SLC66A2: variants seen among roughly 807,000 people sequenced by gnomAD.
SLC66A2 encodes solute carrier family 66 member 2.
In SLC66A2, 23 loss-of-function variants were observed where a neutral mutation model predicts 25.5. The ratio of observed to expected loss-of-function variants is 0.90; its 90% CI spans 0.65 to 1.28. The LOEUF (loss-of-function observed/expected upper bound fraction) is 1.28, where lower values mean the gene tolerates loss of function less well. SLC66A2 is among the 50% of genes most tolerant of loss of function. SLC66A2 has a pLI of 0.00. For missense variants in SLC66A2, 396 were observed against 373.1 expected, an observed-to-expected ratio of 1.06 and a Z score of -0.51; for synonymous variants, 193 against 166.5, an observed-to-expected ratio of 1.16 and a Z score of -1.23.
chr18:79,934,369 A>G (rs1599617928), intron 3 of SLC66A2, among the ~76,000 whole-genome samples: 1 of 152,252 alleles, frequency 6.6e-6, no homozygotes, highest in African/African-American at 2.4e-5. Context: ...GATGGAAAGC[A>G]GCCAGGCAGA....
chr18:79,910,018 TCACCAGAG>T (rs1474603695), intron 5 of SLC66A2, among the ~76,000 whole-genome samples: 10 of 109,306 alleles, frequency 9.1e-5, no homozygotes, highest in Non-Finnish European at 1.3e-4. Context: ...CCCCACACCC[TCACCAGAG>T]TCCCCAGACT....
chr18:79,908,583 T>C (rs1196491416), intron 5 of SLC66A2, among the ~76,000 whole-genome samples: 1 of 152,230 alleles, frequency 6.6e-6, no homozygotes, highest in Non-Finnish European at 1.5e-5. Flanking sequence ...TTTCAGCCCT[T>C]ATTTCTTCAG....
chr18:79,909,222 G>A (rs1982568989), intron 5 of SLC66A2, among the ~76,000 whole-genome samples: 1 of 152,128 alleles, frequency 6.6e-6, no homozygotes, highest in Admixed American at 6.5e-5. Flanking sequence ...CCTCCCTTTT[G>A]ATCTTTGGAT....
At chr18:79,934,248 T>A (rs542010442) in intron 3 of SLC66A2, among the ~76,000 whole-genome samples, 1 of 152,038 alleles carries the variant, frequency 6.6e-6, no homozygotes, top group South Asian at 2.1e-4. Flanking sequence ...CATAAAAAAG[T>A]GAATGGGGAG....
At chr18:79,949,246 G>GGCCACGGAGCAGGGAGC (rs1480108934) in intron 2 of SLC66A2, among the ~76,000 whole-genome samples, 1 of 152,190 alleles carries the variant, frequency 6.6e-6, no homozygotes, top group East Asian at 1.9e-4. Flanking sequence ...CTGGGATGAA[G>GGCCACGGAGCAGGGAGC]GCCACGGAGC....
chr18:79,947,433 T>C (rs2050962387), intron 2 of SLC66A2: 1 of 144,010 alleles, frequency 6.9e-6, no homozygotes, highest in African/African-American at 2.5e-5. Flanking sequence ...GAGCCCCATA[T>C]GCCATGCACC....
At chr18:79,914,063 A>G (rs1254582707) in intron 5 of SLC66A2, among the ~76,000 whole-genome samples, 1 of 152,042 alleles carries the variant, frequency 6.6e-6, no homozygotes, top group East Asian at 1.9e-4. Context: ...CGCCTGCCAC[A>G]CCTAGCTAAT....
intron 4 of SLC66A2, among the ~76,000 whole-genome samples, chr18:79,919,611 T>G (rs1599551720): frequency 1.9e-4 from 1 of 5,136 alleles, no homozygotes; most frequent in African/African-American, 2.1e-4. Context: ...GAGGTCAAGG[T>G]CAGTGGAGGA....
chr18:79,946,155 C>T (rs1388160857), intron 2 of SLC66A2, among the ~76,000 whole-genome samples: 3 of 152,044 alleles, frequency 2.0e-5, no homozygotes, highest in Non-Finnish European at 1.5e-5. Context: ...TAGAGAAACT[C>T]GATATGCACA....
Position 79,928,593 on chromosome 18 carries a change from A to G in SLC66A2, c.391+5376T>C, listed in dbSNP as rs565473697. Reference sequence around the variant, plus strand: ...ACGGCGAATGGAGAAACGCTTATCCAAGAAAACCACCTAAGTGGCAGCAGG... The same window carrying G: ...ACGGCGAATGGAGAAACGCTTATCCGAGAAAACCACCTAAGTGGCAGCAGG... On this transcript the variant is annotated intron_variant, in intron 4 of 5. Coordinates refer to ENST00000397778, the MANE Select transcript of SLC66A2 (RefSeq NM_025078.5). Among the ~76,000 whole-genome samples the G allele has an allele frequency of 2.0e-5, 3 of 152,292 alleles. No individual in the cohort carries two copies. The South Asian group carries it at 6.2e-4, about 32-fold the overall frequency.
intron 5 of SLC66A2, among the ~76,000 whole-genome samples, chr18:79,907,547 C>T (rs1481911244): frequency 2.0e-5 from 3 of 152,042 alleles, no homozygotes; most frequent in Non-Finnish European, 4.4e-5. Context: ...AGATGGGTTT[C>T]ACCACGTGGC....
At chr18:79,913,795 C>G (rs1042440180) in intron 5 of SLC66A2, among the ~76,000 whole-genome samples, 2 of 152,184 alleles carry the variant, frequency 1.3e-5, no homozygotes, top group Non-Finnish European at 2.9e-5. Context: ...AGGGAAGATT[C>G]CAGGCAGCAT....
chr18:79,938,259 C>T (rs764643926), intron 3 of SLC66A2, among the ~76,000 whole-genome samples: 16 of 152,168 alleles, frequency 1.1e-4, no homozygotes, highest in Non-Finnish European at 1.8e-4. Context: ...ACTTGGTAAA[C>T]GCTTGAAATT....
chr18:79,945,746 C>A (rs2050904148), intron 2 of SLC66A2, among the ~76,000 whole-genome samples: 1 of 152,238 alleles, frequency 6.6e-6, no homozygotes, highest in Non-Finnish European at 1.5e-5. Context: ...AGCCCCCACA[C>A]CGGCCCCCTC....
intron 5 of SLC66A2, among the ~76,000 whole-genome samples, chr18:79,905,147 A>G: frequency 6.6e-6 from 1 of 152,192 alleles, no homozygotes; most frequent in East Asian, 1.9e-4. Flanking sequence ...TCGGCTCTAG[A>G]GCATCTTGTT....
At chr18:79,914,466 G>C (rs147259952) in intron 5 of SLC66A2, among the ~76,000 whole-genome samples, 477 of 152,174 alleles carry the variant, frequency 3.1e-3, no homozygotes, top group African/African-American at 0.011. Context: ...TGGTCTGACA[G>C]CAGGAAGTGG....
chr18:79,924,689 C>T (rs750184798), intron 4 of SLC66A2, among the ~76,000 whole-genome samples: 50 of 151,960 alleles, frequency 3.3e-4, no homozygotes, highest in Admixed American at 1.5e-3. Flanking sequence ...TGTCTTATAC[C>T]AAAAGATGCA....
At chr18:79,916,549 T>G (rs1984187008) in intron 5 of SLC66A2, among the ~76,000 whole-genome samples, 1 of 152,222 alleles carries the variant, frequency 6.6e-6, no homozygotes, top group Non-Finnish European at 1.5e-5. Flanking sequence ...TCCAATCACA[T>G]TTCAACACCA....
chr18:79,907,314 T>G (rs1760536496), intron 5 of SLC66A2, among the ~76,000 whole-genome samples: 1 of 150,762 alleles, frequency 6.6e-6, no homozygotes, highest in African/African-American at 2.4e-5. Context: ...ATTTGGTTTT[T>G]CACTGTATCT....
Sources: allele counts gnomAD v4.1 joint callset (sites outside exome capture counted in the v4.1 genomes callset), GRCh38; gene constraint gnomAD v4.1.1; transcripts MANE v1.5; gene names NCBI Gene and HGNC (gene_info 2026-07-23, HGNC 2026-07-21).